CADPS: variants seen among roughly 807,000 people sequenced by gnomAD.
CADPS encodes the protein calcium-dependent secretion activator 1.
In CADPS, 57 loss-of-function variants were observed where a neutral mutation model predicts 167.3. That is an observed-to-expected ratio of 0.34 (90% CI 0.28 to 0.42). The LOEUF (loss-of-function observed/expected upper bound fraction) is 0.42. Ranked by LOEUF, CADPS falls within the 20% of genes least tolerant of loss-of-function variation. The pLI is 1.00. For missense variants in CADPS, 1,414 were observed against 1,738.1 expected (o/e 0.81, Z 3.32); for synonymous variants, 676 against 635.3 (o/e 1.06, Z -0.96).
intron 28 of CADPS, among the ~76,000 whole-genome samples, chr3:62,432,979 A>G (rs1381273186): frequency 2.6e-5 from 4 of 152,036 alleles, no homozygotes; most frequent in African/African-American, 4.8e-5. Flanking sequence ...AGTGAATCCT[A>G]TGCACCTCTC....
chr3:62,571,852 C>T (rs773544635), intron 8 of CADPS, among the ~76,000 whole-genome samples: 2 of 152,190 alleles, frequency 1.3e-5, no homozygotes, highest in Non-Finnish European at 2.9e-5. Context: ...GCGTGAGCCA[C>T]CGTGCCTGGC....
intron 7 of CADPS, among the ~76,000 whole-genome samples, chr3:62,589,200 G>A (rs1348091135): frequency 2.0e-5 from 3 of 152,156 alleles, no homozygotes; most frequent in South Asian, 2.1e-4. Flanking sequence ...GGAAGAATTC[G>A]AGCATAGAAA....
intron 6 of CADPS, among the ~76,000 whole-genome samples, chr3:62,628,080 C>A (rs929470663): frequency 1.1e-4 from 17 of 152,144 alleles, no homozygotes; most frequent in African/African-American, 4.1e-4. Context: ...TTCAGATTCA[C>A]AGTTTAGGAA....
At chr3:62,533,090 T>C in intron 12 of CADPS, 32 bp from the exon 13 acceptor site, 1 of 1,584,218 alleles carries the variant, frequency 6.3e-7, no homozygotes, top group East Asian at 2.3e-5. Context: ...GACTTTCTTT[T>C]AAATACAGGT....
chr3:62,467,283 G>C, intron 24 of CADPS: 1 of 1,229,552 alleles, frequency 8.1e-7, no homozygotes, highest in Non-Finnish European at 1.0e-6. Flanking sequence ...TATTTGAAAA[G>C]GAAAATGCAC....
intron 6 of CADPS, among the ~76,000 whole-genome samples, chr3:62,627,246 C>T (rs1330264535): frequency 7.9e-5 from 12 of 151,986 alleles, no homozygotes; most frequent in Non-Finnish European, 1.6e-4. Flanking sequence ...TCCAATTATT[C>T]AGTATAATTA....
Position 62,866,082 on chromosome 3 carries a change from C to A in CADPS, c.441+8507G>T, listed in dbSNP as rs557650055. ...TTTAATGTTTGATCACTTAAACACA[C>A]ACTATGGTGATTCAAGTTCAACTAG... On this transcript the variant is annotated intron_variant, in intron 1 of 29. Transcript: ENST00000383710. 9.9e-5 allele frequency among the ~76,000 whole-genome samples: 15 copies of A among 152,238 alleles called. No homozygotes were observed. In the East Asian group the frequency reaches 2.9e-3, roughly 29 times the overall value.
intron 21 of CADPS, 50 bp from the exon 22 acceptor site, chr3:62,481,919 A>T: frequency 6.4e-7 from 1 of 1,552,300 alleles, no homozygotes; most frequent in Non-Finnish European, 8.8e-7. Context: ...GTGACAATGC[A>T]GATGTGGCAG....
intron 1 of CADPS, among the ~76,000 whole-genome samples, chr3:62,870,661 CAG>C (rs2082471648): frequency 6.6e-6 from 1 of 151,348 alleles, no homozygotes; most frequent in African/African-American, 2.5e-5. Context: ...CCATCATGCA[CAG>C]ACACACATGT....
At chr3:62,792,200 C>CAT (rs1332333808) in intron 1 of CADPS, among the ~76,000 whole-genome samples, 1 of 144,272 alleles carries the variant, frequency 6.9e-6, no homozygotes, top group Non-Finnish European at 1.5e-5. Context: ...AGGTGTTTAA[C>CAT]TTTTTTTTTT....
intron 10 of CADPS, among the ~76,000 whole-genome samples, chr3:62,551,128 G>T (rs2077256675): frequency 6.6e-6 from 1 of 152,002 alleles, no homozygotes; most frequent in Non-Finnish European, 1.5e-5. Context: ...CTCTCCCCTG[G>T]ACTCCAGACT....
At chr3:62,645,969 T>C in intron 5 of CADPS, 126 bp from the exon 6 acceptor site, 2 of 1,037,280 alleles carry the variant, frequency 1.9e-6, no homozygotes, top group Non-Finnish European at 2.9e-6. Flanking sequence ...CTGTTAGGTT[T>C]GTACCAGTCA....
intron 3 of CADPS, among the ~76,000 whole-genome samples, chr3:62,692,526 T>G (rs1179764278): frequency 6.6e-6 from 1 of 152,092 alleles, no homozygotes; most frequent in Non-Finnish European, 1.5e-5. Context: ...ATAAAACTTA[T>G]GCATATATTA....
At chr3:62,566,435 G>A (rs2080216673) in intron 9 of CADPS, among the ~76,000 whole-genome samples, 1 of 150,220 alleles carries the variant, frequency 6.7e-6, no homozygotes, top group African/African-American at 2.4e-5. Context: ...TCAGCAACCT[G>A]AGACATTTTA....
At chr3:62,563,903 CATAT>C (rs547379102) in intron 9 of CADPS, among the ~76,000 whole-genome samples, 1 of 152,070 alleles carries the variant, frequency 6.6e-6, no homozygotes, top group Non-Finnish European at 1.5e-5. Context: ...AGTATTCCAT[CATAT>C]ATATATAACA....
chr3:62,657,741 A>G (rs1272648646), intron 4 of CADPS, among the ~76,000 whole-genome samples: 2 of 152,106 alleles, frequency 1.3e-5, no homozygotes, highest in Non-Finnish European at 2.9e-5. Context: ...TGCTGGTGCG[A>G]TTGAACTGAC....
intron 27 of CADPS, among the ~76,000 whole-genome samples, chr3:62,442,997 G>A (rs917674270): frequency 5.9e-5 from 9 of 152,056 alleles, no homozygotes; most frequent in Non-Finnish European, 1.0e-4. Flanking sequence ...AATATTATTA[G>A]CTATTAAAGC....
At chr3:62,612,012 A>G (rs1345545567) in intron 6 of CADPS, among the ~76,000 whole-genome samples, 3 of 152,192 alleles carry the variant, frequency 2.0e-5, no homozygotes, top group Admixed American at 2.0e-4. Context: ...TCTCTGTTCT[A>G]TCTGTGTCTA....
intron 18 of CADPS, among the ~76,000 whole-genome samples, chr3:62,494,818 G>GT (rs11436824): frequency 0.045 from 6,784 of 151,120 alleles, 325 homozygotes; most frequent in African/African-American, 0.12. Context: ...ATTTTTTTTT[G>GT]TTGTTTGTTT....
Sources: gnomAD v4.1 joint callset for allele counts (sites outside exome capture counted in the v4.1 genomes callset) on GRCh38, gnomAD v4.1.1 for gene constraint, MANE v1.5 for transcripts, NCBI Gene and HGNC (gene_info 2026-07-23, HGNC 2026-07-21) for gene names.